STARD13: variants seen among roughly 807,000 people sequenced by gnomAD.
The protein encoded by STARD13 is StAR related lipid transfer domain containing 13, also known as stAR-related lipid transfer protein 13.
Under a neutral mutation model 106.4 loss-of-function variants are expected in STARD13, and 62 were observed. The ratio of observed to expected loss-of-function variants is 0.58; its 90% CI spans 0.48 to 0.72. STARD13 has a LOEUF of 0.72. Ranked by LOEUF, STARD13 falls within the 30% of genes least tolerant of loss-of-function variation. STARD13 has a pLI of 0.00. For missense variants in STARD13, 1,387 were observed against 1,424.0 expected (o/e 0.97, Z 0.42); for synonymous variants, 565 against 553.0 (o/e 1.02, Z -0.31).
chr13:33,324,213 T>A (rs968100697), intron 1 of STARD13, among the ~76,000 whole-genome samples: 3 of 152,230 alleles, frequency 2.0e-5, no homozygotes, highest in African/African-American at 7.2e-5. Context: ...CAAATCCATA[T>A]TTGTTTTCAA....
chr13:33,403,143 T>C, the STARD13 span, among the ~76,000 whole-genome samples: 2 of 152,340 alleles, frequency 1.3e-5, no homozygotes, highest in South Asian at 4.1e-4. Context: ...CCAGAGTACC[T>C]GCCCCGGCTC....
chr13:33,314,126 G>A (rs1456968297), intron 1 of STARD13, among the ~76,000 whole-genome samples: 1 of 152,120 alleles, frequency 6.6e-6, no homozygotes, highest in Non-Finnish European at 1.5e-5. Flanking sequence ...GACATTAGGA[G>A]GAATACCGGT....
At chr13:33,426,378 T>A in the STARD13 span, among the ~76,000 whole-genome samples, 1 of 152,212 alleles carries the variant, frequency 6.6e-6, no homozygotes, top group South Asian at 2.1e-4. Flanking sequence ...ATCTTGACTT[T>A]AATTAAGGTT....
the STARD13 span, among the ~76,000 whole-genome samples, chr13:33,649,743 T>C: frequency 2.0e-5 from 3 of 152,126 alleles, no homozygotes; most frequent in Admixed American, 6.5e-5. Context: ...TTGACCTTGG[T>C]AGTTAGGGTA....
intron 1 of STARD13, among the ~76,000 whole-genome samples, chr13:33,239,235 C>T (rs986219227): frequency 1.3e-5 from 2 of 152,146 alleles, no homozygotes; most frequent in African/African-American, 4.8e-5. Context: ...AAATAGTATT[C>T]TACTTTATGT....
At chr13:33,238,526 A>G (rs1457794180) in intron 1 of STARD13, among the ~76,000 whole-genome samples, 1 of 152,184 alleles carries the variant, frequency 6.6e-6, no homozygotes, top group African/African-American at 2.4e-5. Flanking sequence ...TAAGAAACAG[A>G]CTAGTGATTT....
the STARD13 span, among the ~76,000 whole-genome samples, chr13:33,538,886 C>A: frequency 6.6e-6 from 1 of 151,952 alleles, no homozygotes; most frequent in South Asian, 2.1e-4. Flanking sequence ...TCTCCTGCCT[C>A]AGCCTCCTGA....
intron 3 of STARD13, among the ~76,000 whole-genome samples, chr13:33,146,896 C>T (rs1388661436): frequency 4.6e-5 from 7 of 152,190 alleles, no homozygotes; most frequent in Non-Finnish European, 8.8e-5. Flanking sequence ...TCAACAGCAT[C>T]ACCGTCAGAG....
chr13:33,600,321 C>A, the STARD13 span, among the ~76,000 whole-genome samples: 1 of 152,102 alleles, frequency 6.6e-6, no homozygotes, highest in Non-Finnish European at 1.5e-5. Flanking sequence ...TTTTTTAAAT[C>A]TATGAAAGAT....
intron 3 of STARD13, among the ~76,000 whole-genome samples, chr13:33,146,977 G>A (rs534657008): frequency 8.1e-4 from 123 of 152,234 alleles, no homozygotes; most frequent in South Asian, 1.5e-3. Flanking sequence ...CCAAAACTCC[G>A]TTACCAAAGA....
Position 33,105,701 on chromosome 13 carries a change from G to A in STARD13, c.3234C>T (p.Ser1078=), listed in dbSNP as rs2138046092. 1.2e-6 allele frequency: 2 copies of A among 1,613,358 alleles called. No homozygotes were observed. Among genetic ancestry groups the A allele is most frequent in the African/African-American group, 2.7e-5 (2 of 75,038 alleles). ...CAAAGCCTTTGCTGTACCATTCTGG[G>A]GAGTGACCTCTGTGGGGAAAGAAAT... is the stretch of plus-strand genomic sequence containing the variant. ...HICRIDLKGH[S]PEWYSKGFGH... is the part of the protein sequence containing the mutation. The change falls in exon 14 of 14, where the codon TCC becomes TCT. Residue 1078 remains serine (S), a synonymous_variant. Transcript: ENST00000336934.
the STARD13 span, among the ~76,000 whole-genome samples, chr13:33,619,825 G>C: frequency 6.6e-6 from 1 of 152,176 alleles, no homozygotes; most frequent in African/African-American, 2.4e-5. Context: ...CACTTTGGGA[G>C]GCCGAGGTCG....
intron 1 of STARD13, among the ~76,000 whole-genome samples, chr13:33,292,967 T>A (rs1449495873): frequency 6.6e-6 from 1 of 151,996 alleles, no homozygotes; most frequent in Non-Finnish European, 1.5e-5. Flanking sequence ...CAACTCCAGC[T>A]CCCCGTTAGC....
the STARD13 span, among the ~76,000 whole-genome samples, chr13:33,467,243 T>G: frequency 2.0e-5 from 3 of 151,628 alleles, no homozygotes; most frequent in African/African-American, 7.3e-5. Flanking sequence ...TGGTCCTGTC[T>G]GGGGGTGACG....
intron 1 of STARD13, among the ~76,000 whole-genome samples, chr13:33,212,504 T>G (rs1365707264): frequency 6.6e-6 from 1 of 152,176 alleles, no homozygotes; most frequent in Non-Finnish European, 1.5e-5. Context: ...AGAGCCTACA[T>G]GAGCAGCAAC....
chr13:33,527,926 A>G, the STARD13 span, among the ~76,000 whole-genome samples: 3 of 151,350 alleles, frequency 2.0e-5, no homozygotes, highest in African/African-American at 7.3e-5. Context: ...AGAACCCGTT[A>G]ACTGACCATT....
the STARD13 span, among the ~76,000 whole-genome samples, chr13:33,488,216 T>C: frequency 3.3e-5 from 5 of 152,306 alleles, no homozygotes; most frequent in African/African-American, 1.2e-4. Flanking sequence ...AGACCCAGGC[T>C]GCCAAATCTC....
chr13:33,370,607 CTTTCTT>C, the STARD13 span, among the ~76,000 whole-genome samples: 1 of 145,444 alleles, frequency 6.9e-6, no homozygotes, highest in Non-Finnish European at 1.5e-5. Flanking sequence ...TCTTTTCTTT[CTTTCTT>C]TCTTTCTTTT....
intron 1 of STARD13, chr13:33,206,086 A>T (rs1368106866): frequency 2.4e-6 from 2 of 842,770 alleles, no homozygotes; most frequent in Non-Finnish European, 2.9e-6. Context: ...GCTCTAAGAG[A>T]AAAAAACGAA....
Sources: allele counts gnomAD v4.1 joint callset (sites outside exome capture counted in the v4.1 genomes callset), GRCh38; gene constraint gnomAD v4.1.1; transcripts MANE v1.5; gene names NCBI Gene and HGNC (gene_info 2026-07-23, HGNC 2026-07-21).